The following MGRN1 variants were observed in gnomAD, a reference collection of about 807,000 sequenced individuals.
The protein encoded by MGRN1 is mahogunin ring finger 1, also known as E3 ubiquitin-protein ligase MGRN1.
Under a neutral mutation model 69.2 loss-of-function variants are expected in MGRN1, and 29 were observed. The observed-to-expected ratio is 0.42, with a 90% CI of 0.31 to 0.57. The LOEUF (loss-of-function observed/expected upper bound fraction) is 0.57, where lower values mean the gene tolerates loss of function less well. MGRN1 is among the 20% of genes least tolerant of loss of function. The pLI is 0.15. For synonymous variants in MGRN1, 470 were observed against 344.2 expected (o/e 1.37, Z -4.04); for missense variants, 998 against 796.2 (o/e 1.25, Z -3.05).
intron 16 of MGRN1, chr16:4,688,216 C>G (rs2079377467): frequency 2.0e-6 from 2 of 985,490 alleles, no homozygotes; most frequent in South Asian, 9.4e-5. Context: ...TGCACCAGCA[C>G]CATTGCCCAA....
intron 1 of MGRN1, among the ~76,000 whole-genome samples, chr16:4,643,297 T>C (rs2078202957): frequency 6.6e-6 from 1 of 152,016 alleles, no homozygotes; most frequent in Non-Finnish European, 1.5e-5. Flanking sequence ...GGTTTTGCCA[T>C]GTTGTCCAGG....
rs748568335 is a variant in MGRN1 at position 4,657,296 on chromosome 16, G to C, written c.494G>C (p.Arg165Thr). ...SLQSETVHYK[R>T]GVSQQFSLPS... ...CAGTCCGAGACCGTCCACTACAAGA[G>C]AGGGGTGAGCCAGCAGTTCTCCCTG... Residue 165 changes from arginine (R) to threonine (T), a missense_variant, in exon 5 of 17, where the codon AGA (arginine) becomes ACA (threonine). Arg to Thr is a moderately conservative substitution (Grantham distance 71, BLOSUM62 -1). Coordinates refer to ENST00000262370, the MANE Select transcript of MGRN1 (RefSeq NM_015246.4). The C allele has an allele frequency of 3.1e-6, 5 of 1,614,114 alleles. No individual in the cohort carries two copies. Among genetic ancestry groups the C allele is most frequent in the East Asian group, 4.5e-5 (2 of 44,906 alleles).
chr16:4,679,114 T>C (rs977147942), intron 11 of MGRN1, among the ~76,000 whole-genome samples: 1 of 152,186 alleles, frequency 6.6e-6, no homozygotes, highest in African/African-American at 2.4e-5. Flanking sequence ...GCACTTTTGA[T>C]GTTGGCTTTG....
In MGRN1 at chr16:4,668,244, CTT is replaced by C. The variant is rs1211149673; in HGVS notation, c.679-19_679-18del. On this transcript the variant is annotated intron_variant, in intron 7 of 16. Transcript: ENST00000262370. ...GGCGCCAGCTTGACCACCTTAACCT[CTT>C]TGTCTTTCTCCCCTGCAGCACATGG... The C allele has an allele frequency of 1.9e-6, 3 of 1,613,362 alleles. No homozygotes were observed. Among genetic ancestry groups the C allele is most frequent in the Non-Finnish European group, 2.5e-6 (3 of 1,179,642 alleles).
chr16:4,654,037 C>T (rs1187359342), intron 4 of MGRN1, among the ~76,000 whole-genome samples: 1 of 152,178 alleles, frequency 6.6e-6, no homozygotes, highest in East Asian at 1.9e-4. Flanking sequence ...CAGCCGTGAG[C>T]CCCCATGCCC....
chr16:4,671,573 C>G, intron 9 of MGRN1, 114 bp downstream of exon 9: 1 of 864,632 alleles, frequency 1.2e-6, no homozygotes, highest in Non-Finnish European at 1.9e-6. Context: ...GTCCTAGACC[C>G]GCTAGACAAC....
At chr16:4,661,689 G>GC (rs1158952318) in intron 5 of MGRN1, among the ~76,000 whole-genome samples, 2 of 152,218 alleles carry the variant, frequency 1.3e-5, no homozygotes, top group African/African-American at 4.8e-5. Flanking sequence ...TCACAGCATA[G>GC]CCCCCAGCAT....
intron 16 of MGRN1, among the ~76,000 whole-genome samples, chr16:4,684,748 C>T (rs1567241858): frequency 6.6e-6 from 1 of 152,256 alleles, no homozygotes; most frequent in Non-Finnish European, 1.5e-5. Flanking sequence ...ACTAGTGTCT[C>T]AGCACCTGCC....
chr16:4,644,154 G>T (rs9938383), intron 1 of MGRN1, among the ~76,000 whole-genome samples: 10,862 of 150,274 alleles, frequency 0.072, 750 homozygotes, highest in African/African-American at 0.18. Context: ...ATTTTTTTTT[G>T]TTTTGTTTTG....
At position 4,689,384 on chromosome 16, in the gene MGRN1, C is replaced by A. The variant is rs1248104617; in HGVS notation, c.*476C>A. 1 of 154,914 alleles carries A rather than the reference C, an allele frequency of 6.5e-6. No homozygotes were observed. The highest frequency in any genetic ancestry group is 6.5e-5 in the Admixed American group (1 of 15,434). The allele number at this position is 154,914 out of a possible 1,614,324, so 9.6% of individuals were successfully genotyped here. A position where few individuals can be genotyped will look rare whatever the true frequency, so the allele number is the denominator to read the frequency against. ...GAAGGAAACAGTGCCTGTCCACCCA[C>A]CCTGCGTGTCACTGTGGCGGCCTGG... On this transcript the variant is annotated 3_prime_UTR_variant, in exon 17 of 17. Transcript: ENST00000262370.
intron 16 of MGRN1, 46 bp downstream of exon 16, chr16:4,683,978 A>T: frequency 6.6e-7 from 1 of 1,507,110 alleles, no homozygotes; most frequent in South Asian, 1.2e-5. Context: ...TGCCTGTCTT[A>T]GTCCCCAGGG....
chr16:4,679,394 G>A (rs1234012193), intron 11 of MGRN1, among the ~76,000 whole-genome samples: 1 of 152,156 alleles, frequency 6.6e-6, no homozygotes, highest in East Asian at 1.9e-4. Flanking sequence ...CCCCAGAAGG[G>A]CTGGCACCCA....
At chr16:4,653,074 T>C (rs1210724415) in intron 4 of MGRN1, among the ~76,000 whole-genome samples, 3 of 152,166 alleles carry the variant, frequency 2.0e-5, no homozygotes, top group African/African-American at 7.2e-5. Flanking sequence ...CCCTGCACTT[T>C]GAGGGCCCAG....
At chr16:4,652,913 A>G in intron 4 of MGRN1, 89 bp downstream of exon 4, 2 of 1,421,996 alleles carry the variant, frequency 1.4e-6, no homozygotes, top group Admixed American at 5.5e-5. Context: ...CCAGAGGGAG[A>G]AAACCAAACC....
chr16:4,633,048 A>G (rs1023406647), intron 1 of MGRN1, among the ~76,000 whole-genome samples: 1 of 152,042 alleles, frequency 6.6e-6, no homozygotes, highest in African/African-American at 2.4e-5. Context: ...GCCCCACTGT[A>G]CTCCAGCCTG....
chr16:4,659,336 G>A (rs1195241487), intron 5 of MGRN1, among the ~76,000 whole-genome samples: 1 of 152,068 alleles, frequency 6.6e-6, no homozygotes, highest in Non-Finnish European at 1.5e-5. Context: ...GGGAGTGGGA[G>A]TTTGGGAGGT....
intron 13 of MGRN1, 115 bp from the exon 14 acceptor site, chr16:4,682,708 C>A: frequency 8.2e-7 from 1 of 1,226,000 alleles, no homozygotes; most frequent in Non-Finnish European, 1.1e-6. Flanking sequence ...AGTGTCCTTG[C>A]GTGGGTCCTG....
intron 1 of MGRN1, among the ~76,000 whole-genome samples, chr16:4,642,754 C>T (rs1024395529): frequency 1.3e-5 from 2 of 151,506 alleles, no homozygotes; most frequent in Non-Finnish European, 2.9e-5. Flanking sequence ...GGGGTGAGCA[C>T]CGTGCCTGGT....
intron 7 of MGRN1, 89 bp from the exon 8 acceptor site, chr16:4,668,176 G>C: frequency 9.5e-7 from 1 of 1,054,706 alleles, no homozygotes; most frequent in Non-Finnish European, 1.4e-6. Flanking sequence ...GGATTGGCTG[G>C]GGCAGGGTGG....
Sources: gnomAD v4.1 joint callset for allele counts (sites outside exome capture counted in the v4.1 genomes callset) on GRCh38, gnomAD v4.1.1 for gene constraint, MANE v1.5 for transcripts, NCBI Gene and HGNC (gene_info 2026-07-23, HGNC 2026-07-21) for gene names.